The following KHDC4 variants were observed in gnomAD, a reference collection of about 807,000 sequenced individuals.
The protein encoded by KHDC4 is KH domain containing 4, pre-mRNA splicing factor.
KHDC4 carries 19 observed loss-of-function variants against 74.5 expected under a neutral mutation model. The ratio of observed to expected loss-of-function variants is 0.26; its 90% CI spans 0.18 to 0.37. The LOEUF (loss-of-function observed/expected upper bound fraction) is 0.37, where lower values mean the gene tolerates loss of function less well. Among genes scored for constraint, KHDC4 ranks in the 10% least tolerant of loss-of-function variants. The pLI is 1.00. For synonymous variants in KHDC4, 253 were observed against 266.1 expected (o/e 0.95, Z 0.48); for missense variants, 632 against 754.1 (o/e 0.84, Z 1.90).
rs143080978 is a variant in KHDC4, at chr1:155,931,364, A to C, written c.256-1524T>G. On this transcript the variant is annotated intron_variant, in intron 2 of 13. Coordinates refer to ENST00000368321, the MANE Select transcript of KHDC4 (RefSeq NM_014949.4). ...ATGAACGAAGGAACCAAACAGGCTCATGCCTGTAATCCCAGCACTTTGGGA... is the reference window on the plus strand; with the variant it reads ...ATGAACGAAGGAACCAAACAGGCTCCTGCCTGTAATCCCAGCACTTTGGGA... Among the ~76,000 whole-genome samples, 42 of 152,088 alleles carry C rather than the reference A, an allele frequency of 2.8e-4. No homozygotes were observed. The East Asian group carries it at 8.1e-3, about 29-fold the overall frequency.
chr1:155,933,756 A>C lies in KHDC4; in HGVS notation c.132T>G (p.Ser44Arg). ...AAGGAGCAGCTGTGGTGCCCCCAGG[A>C]CTTCCCCCACTGCTGGTGACCTCCC... Reference protein sequence around the residue: ...PGGEVTSSGGSPGGTTAAPSG... With the variant: ...PGGEVTSSGGRPGGTTAAPSG... Residue 44 changes from serine (S) to arginine (R), a missense_variant, in exon 2 of 14, where the codon AGT (serine) becomes AGG (arginine). Physicochemically the swap from Ser to Arg is moderately radical, Grantham distance 110. This residue lies in a region of KHDC4 where 104 missense variants were observed against 78.1 expected (regional missense o/e 1.33). Coordinates refer to ENST00000368321, the MANE Select transcript of KHDC4 (RefSeq NM_014949.4). The C allele has an allele frequency of 6.2e-7, 1 of 1,603,698 alleles. No homozygotes were observed. Among genetic ancestry groups the C allele is most frequent in the Non-Finnish European group, 8.5e-7 (1 of 1,174,336 alleles).
intron 4 of KHDC4, among the ~76,000 whole-genome samples, chr1:155,928,909 G>A (rs973859024): frequency 7.0e-5 from 10 of 143,520 alleles, no homozygotes; most frequent in South Asian, 4.3e-4. Context: ...CCGAGATCAC[G>A]CCACTGCACT....
chr1:155,930,731 ACAG>A (rs1265049068), intron 2 of KHDC4, among the ~76,000 whole-genome samples: 1 of 152,232 alleles, frequency 6.6e-6, no homozygotes, highest in African/African-American at 2.4e-5. Context: ...TCACTCTATT[ACAG>A]CAGAACAAAG....
intron 10 of KHDC4, among the ~76,000 whole-genome samples, chr1:155,920,576 T>C (rs1343654229): frequency 1.3e-5 from 2 of 152,242 alleles, no homozygotes; most frequent in East Asian, 1.9e-4. Flanking sequence ...AGTCTCACTC[T>C]GTCACTGAGG....
In KHDC4 at chr1:155,916,633, C is replaced by CT; in HGVS notation, c.1544dup (p.Arg516GlufsTer22). On this transcript the variant is annotated frameshift_variant, in exon 12 of 14. Transcript: ENST00000368321. LOFTEE classifies it high-confidence loss of function. ...TAATTATTCCAACTTACCTGTCCCT[C>CT]TCTCTCTCTTTGCCTGAGGAACTTG... 1 of 1,607,806 alleles carries CT rather than the reference C, an allele frequency of 6.2e-7. No individual in the cohort carries two copies. Among genetic ancestry groups the CT allele is most frequent in the Non-Finnish European group, 8.5e-7 (1 of 1,175,474 alleles).
intron 10 of KHDC4, among the ~76,000 whole-genome samples, chr1:155,919,325 C>G (rs768386339): frequency 1.3e-5 from 2 of 152,064 alleles, no homozygotes; most frequent in Non-Finnish European, 2.9e-5. Flanking sequence ...AAAGGACTGA[C>G]CTTCAAAAGT....
rs1291489841 is a variant in KHDC4, at chr1:155,914,319, A to G, written c.1647T>C (p.Asp549=). The G allele has an allele frequency of 6.2e-7, 1 of 1,613,202 alleles. No homozygotes were observed. Among genetic ancestry groups the G allele is most frequent in the African/African-American group, 1.3e-5 (1 of 74,868 alleles). ...TAGTTTTCATCTTCTTGGCTGGATA[A>G]TCTAGAATAGAGAAAAAACAACCCC... The part of the protein sequence containing the change: ...NGSGTLTGSH[D]YPAKKMKTTE... The change falls in exon 14 of 14, where the codon GAT becomes GAC. Residue 549 remains aspartate (D), a splice_region_variant and synonymous_variant. Coordinates refer to ENST00000368321, the MANE Select transcript of KHDC4 (RefSeq NM_014949.4).
intron 11 of KHDC4, among the ~76,000 whole-genome samples, chr1:155,917,232 G>T (rs1028390095): frequency 1.3e-5 from 2 of 151,902 alleles, no homozygotes; most frequent in Non-Finnish European, 2.9e-5. Flanking sequence ...TTAGGTGGAG[G>T]GTAAAAGAGA....
chr1:155,933,647 T>C lies in KHDC4; in HGVS notation c.241A>G (p.Asn81Asp), dbSNP rs1230617504. The part of the protein sequence containing the change: ...MAKGKLKPTQ[N>D]ASEKLQAPGK... ...ACTTCAAATACCTTCTCAGAAGCAT[T>C]CTGAGTTGGTTTCAGCTTCCCTTTT... Residue 81 changes from asparagine to aspartate, a missense_variant, in exon 2 of 14, where the codon AAT becomes GAT. Transcript: ENST00000368321. The C allele has an allele frequency of 6.2e-7, 1 of 1,607,384 alleles. No individual in the cohort carries two copies. The highest frequency in any genetic ancestry group is 1.1e-5 in the South Asian group (1 of 90,790).
chr1:155,919,952 G>A, intron 10 of KHDC4: 1 of 517,112 alleles, frequency 1.9e-6, no homozygotes, highest in Non-Finnish European at 3.9e-6. Context: ...CAGGTAAGGG[G>A]ACTGGGCAAT....
intron 8 of KHDC4, among the ~76,000 whole-genome samples, chr1:155,923,065 C>G: frequency 6.6e-6 from 1 of 151,716 alleles, no homozygotes; most frequent in Non-Finnish European, 1.5e-5. Context: ...AGTAGCCGGG[C>G]GTAGTGGCGG....
rs11811114 is a variant in KHDC4 at position 155,928,608 on chromosome 1, A to T, written c.464+688T>A. On this transcript the variant is annotated intron_variant, in intron 4 of 13. Coordinates refer to ENST00000368321, the MANE Select transcript of KHDC4 (RefSeq NM_014949.4). The stretch of plus-strand genomic sequence containing the variant: ...ATCATAAAGACAAAAAAAAAAAAAA[A>T]AAAAAAGAGCCCATTTGTGAGGGGA... Among the ~76,000 whole-genome samples the T allele has an allele frequency of 8.3e-3, 1,256 of 151,208 alleles. 19 individuals carry two copies. Among genetic ancestry groups the T allele is most frequent in the East Asian group, 0.057 (295 of 5,142 alleles).
In KHDC4 at chr1:155,929,369, G is replaced by A. The variant is rs2102608482; in HGVS notation, c.391C>T (p.Arg131Ter). The A allele has an allele frequency of 1.2e-6, 2 of 1,612,484 alleles. No homozygotes were observed. Among genetic ancestry groups the A allele is most frequent in the Middle Eastern group, 1.7e-4 (1 of 6,056 alleles). Residue 131 changes from arginine (R) to a stop codon, truncating the protein, a stop_gained, in exon 4 of 14, where the codon CGA becomes TGA. Coordinates refer to ENST00000368321, the MANE Select transcript of KHDC4 (RefSeq NM_014949.4). LOFTEE classifies it high-confidence loss of function. ...TRGQTQDEIS[R>*]LSGAAVSTRG... Reference sequence around the variant, plus strand: ...GTTGATACTGCAGCCCCACTAAGTCGGCTGATCTAAAAAAGGAAATGTTCA... The same window carrying A: ...GTTGATACTGCAGCCCCACTAAGTCAGCTGATCTAAAAAAGGAAATGTTCA...
In KHDC4 at chr1:155,927,154, T is replaced by A. The variant is rs770490105; in HGVS notation, c.467A>T (p.Asp156Val). 6.2e-7 allele frequency: 1 copy of A among 1,613,388 alleles called. No individual in the cohort carries two copies. The highest frequency in any genetic ancestry group is 8.5e-7 in the Non-Finnish European group (1 of 1,179,474). The change falls in exon 5 of 14, where the codon GAT becomes GTT. Residue 156 changes from aspartate to valine, a missense_variant and splice_region_variant. This residue lies in a region of KHDC4 where 233 missense variants were observed against 342.6 expected (regional missense o/e 0.68). Transcript: ENST00000368321. Reference sequence around the variant, plus strand: ...CTGAACATGAAGATATAATGGACGATCCCTATAAAGAGAAACAAAAAAGGA... The same window carrying A: ...CTGAACATGAAGATATAATGGACGAACCCTATAAAGAGAAACAAAAAAGGA... ...TEEKAKVGPGDRPLYLHVQGQ... is the reference protein window; with the variant it reads ...TEEKAKVGPGVRPLYLHVQGQ...
intron 13 of KHDC4, 109 bp from the exon 14 acceptor site, chr1:155,914,429 A>C: frequency 1.1e-6 from 1 of 916,010 alleles, no homozygotes; most frequent in Non-Finnish European, 1.6e-6. Flanking sequence ...GGTTAGTTGG[A>C]CACCATTTTG....
At chr1:155,927,703 T>C (rs2102606274) in intron 4 of KHDC4, among the ~76,000 whole-genome samples, 1 of 147,856 alleles carries the variant, frequency 6.8e-6, no homozygotes, top group East Asian at 2.0e-4. Context: ...CTCAGGAGGC[T>C]GAGGCACAAG....
chr1:155,931,940 G>T (rs1222614277), intron 2 of KHDC4, among the ~76,000 whole-genome samples: 2 of 152,070 alleles, frequency 1.3e-5, no homozygotes, highest in African/African-American at 4.8e-5. Context: ...AGAACTTTTG[G>T]TGACAAGGGT....
chr1:155,919,881 A>G, intron 10 of KHDC4: 1 of 269,012 alleles, frequency 3.7e-6, no homozygotes. Flanking sequence ...ACCACAAATA[A>G]AATTTAGTTC....
At chr1:155,930,880 G>T (rs1453469037) in intron 2 of KHDC4, among the ~76,000 whole-genome samples, 2 of 152,146 alleles carry the variant, frequency 1.3e-5, no homozygotes, top group Non-Finnish European at 2.9e-5. Context: ...CAGGTGTGGT[G>T]GTTCGTGCCT....
Sources: gnomAD v4.1 joint callset for allele counts (sites outside exome capture counted in the v4.1 genomes callset) on GRCh38, gnomAD v4.1.1 for gene constraint, gnomAD v4.1.1 regional missense constraint, MANE v1.5 for transcripts, NCBI Gene and HGNC (gene_info 2026-07-23, HGNC 2026-07-21) for gene names.